MYO18B: variants seen among roughly 807,000 people sequenced by gnomAD.
MYO18B encodes unconventional myosin-XVIIIb.
In MYO18B, 204 loss-of-function variants were observed where a neutral mutation model predicts 273.0. That is an observed-to-expected ratio of 0.75 (90% CI 0.67 to 0.84). MYO18B has a LOEUF of 0.84. MYO18B is among the 40% of genes least tolerant of loss of function. The probability of loss-of-function intolerance (pLI) is 0.00; values close to 1 mark genes in which losing one functional copy is unlikely to be tolerated. For synonymous variants in MYO18B, 1,330 were observed against 1,305.7 expected (o/e 1.02, Z -0.40); for missense variants, 3,212 against 3,287.6 (o/e 0.98, Z 0.56).
intron 39 of MYO18B, among the ~76,000 whole-genome samples, chr22:25,963,355 G>A (rs573187015): frequency 3.4e-4 from 52 of 151,822 alleles, no homozygotes; most frequent in Admixed American, 7.9e-4. Flanking sequence ...AAGATGTTGG[G>A]AGAGACATGC....
chr22:25,942,216 C>CA, intron 34 of MYO18B, among the ~76,000 whole-genome samples: 1 of 152,182 alleles, frequency 6.6e-6, no homozygotes, highest in Non-Finnish European at 1.5e-5. Context: ...AAGCTCTGAA[C>CA]CACACACACA....
intron 42 of MYO18B, among the ~76,000 whole-genome samples, chr22:26,011,261 C>T (rs1934899628): frequency 6.6e-6 from 1 of 152,002 alleles, no homozygotes; most frequent in Non-Finnish European, 1.5e-5. Flanking sequence ...GAATTTCTCT[C>T]TTCTTCACAG....
chr22:26,005,676 T>C (rs1201626334), intron 42 of MYO18B, among the ~76,000 whole-genome samples: 1 of 152,160 alleles, frequency 6.6e-6, no homozygotes, highest in Non-Finnish European at 1.5e-5. Flanking sequence ...ATGCTCACAG[T>C]TTTTGTGAAC....
At chr22:25,931,051 T>G (rs978895173) in intron 34 of MYO18B, among the ~76,000 whole-genome samples, 6 of 152,176 alleles carry the variant, frequency 3.9e-5, no homozygotes, top group Admixed American at 2.6e-4. Context: ...ATGGGAGTCT[T>G]TTGTGTGTGG....
intron 42 of MYO18B, among the ~76,000 whole-genome samples, chr22:26,025,832 G>A (rs948832333): frequency 1.3e-5 from 2 of 152,200 alleles, no homozygotes; most frequent in Non-Finnish European, 2.9e-5. Flanking sequence ...TAAAAACCAC[G>A]TCTGGTGTAG....
intron 37 of MYO18B, among the ~76,000 whole-genome samples, chr22:25,950,664 C>T (rs2092782590): frequency 6.6e-6 from 1 of 152,042 alleles, no homozygotes; most frequent in South Asian, 2.1e-4. Context: ...CTCTGCCTGC[C>T]AGGTTCAAGC....
chr22:25,817,503 T>C (rs1211291944), intron 12 of MYO18B, among the ~76,000 whole-genome samples: 1 of 151,656 alleles, frequency 6.6e-6, no homozygotes, highest in Non-Finnish European at 1.5e-5. Flanking sequence ...ATTTCTCTTT[T>C]GTTTGTTCTC....
At chr22:26,023,117 T>C (rs973290833) in intron 42 of MYO18B, among the ~76,000 whole-genome samples, 1 of 152,202 alleles carries the variant, frequency 6.6e-6, no homozygotes, top group African/African-American at 2.4e-5. Context: ...CCTTCCTTCT[T>C]CTCCATCACC....
At chr22:25,948,468 T>TTC (rs1555960840) in intron 36 of MYO18B, among the ~76,000 whole-genome samples, 3 of 139,114 alleles carry the variant, frequency 2.2e-5, no homozygotes, top group South Asian at 2.4e-4. Context: ...CCTTCTTTCT[T>TTC]TCTTTCTTTC....
At chr22:25,742,740 C>G (rs781384877) in intron 1 of MYO18B, among the ~76,000 whole-genome samples, 1 of 152,142 alleles carries the variant, frequency 6.6e-6, no homozygotes, top group Non-Finnish European at 1.5e-5. Flanking sequence ...GTTAACAACG[C>G]TGTTGAGTCG....
intron 34 of MYO18B, among the ~76,000 whole-genome samples, chr22:25,941,324 C>G (rs2092641798): frequency 6.6e-6 from 1 of 152,168 alleles, no homozygotes; most frequent in South Asian, 2.1e-4. Flanking sequence ...GAAGTGTCAG[C>G]TGTCACCTCA....
chr22:25,978,337 A>G (rs1028278122), intron 39 of MYO18B, among the ~76,000 whole-genome samples: 1 of 152,200 alleles, frequency 6.6e-6, no homozygotes, highest in Non-Finnish European at 1.5e-5. Context: ...GGCAGAGTAG[A>G]GCATTCCAGA....
chr22:26,027,496 T>A lies in MYO18B; in HGVS notation c.7522T>A (p.Ser2508Thr), dbSNP rs1936347169. Reference sequence around the variant, plus strand: ...GGAGGATCCCGCTCACCTGTCTGACTCGTCCTCATCCTCCGGCTCCATCGT... The same window carrying A: ...GGAGGATCCCGCTCACCTGTCTGACACGTCCTCATCCTCCGGCTCCATCGT... ...PKEDPAHLSD[S>T]SSSSGSIVSF... The change falls in exon 43 of 44, where the codon TCG (serine) becomes ACG (threonine). Residue 2508 changes from serine to threonine, a missense_variant. Coordinates refer to ENST00000335473, the MANE Select transcript of MYO18B (RefSeq NM_032608.7). The surrounding 1 kb of genome is among the most constrained non-coding windows in gnomAD (Gnocchi z 4.1). The A allele has an allele frequency of 1.9e-6, 3 of 1,613,866 alleles. No individual in the cohort carries two copies. The highest frequency in any genetic ancestry group is 2.5e-6 in the Non-Finnish European group (3 of 1,179,896).
intron 39 of MYO18B, among the ~76,000 whole-genome samples, chr22:25,971,182 A>C (rs1301685872): frequency 6.6e-6 from 1 of 152,238 alleles, no homozygotes; most frequent in East Asian, 1.9e-4. Flanking sequence ...TGTTCCAATA[A>C]AACTTTATTT....
chr22:25,948,345 C>T (rs898093387), intron 36 of MYO18B, among the ~76,000 whole-genome samples: 6 of 152,124 alleles, frequency 3.9e-5, no homozygotes, highest in South Asian at 2.1e-4. Context: ...ATCCTACCAC[C>T]GCTTACCCAT....
At chr22:25,909,173 G>A (rs959768903) in intron 32 of MYO18B, among the ~76,000 whole-genome samples, 1 of 152,188 alleles carries the variant, frequency 6.6e-6, no homozygotes, top group African/African-American at 2.4e-5. Flanking sequence ...TCTTAGAGCT[G>A]TATTGATGGA....
At chr22:25,809,817 T>G (rs2088655262) in intron 12 of MYO18B, among the ~76,000 whole-genome samples, 8 of 152,118 alleles carry the variant, frequency 5.3e-5, no homozygotes, top group Admixed American at 5.2e-4. Context: ...CAAGCTGTGG[T>G]AAGACCTGAG....
chr22:25,988,224 G>A (rs1051705650), intron 39 of MYO18B, among the ~76,000 whole-genome samples: 5 of 151,994 alleles, frequency 3.3e-5, no homozygotes, highest in Non-Finnish European at 1.5e-5. Flanking sequence ...CAGGGAGACT[G>A]TTTGGGGCAC....
At chr22:25,767,922 T>A (rs2086564529) in intron 3 of MYO18B, among the ~76,000 whole-genome samples, 193 bp from the exon 4 acceptor site, 1 of 152,136 alleles carries the variant, frequency 6.6e-6, no homozygotes. Flanking sequence ...ACTCCATCAC[T>A]CAACTTTGAG....
Sources: allele counts gnomAD v4.1 joint callset (sites outside exome capture counted in the v4.1 genomes callset), GRCh38; gene constraint gnomAD v4.1.1; non-coding constraint Gnocchi (gnomAD v3.1); transcripts MANE v1.5; gene names NCBI Gene and HGNC (gene_info 2026-07-23, HGNC 2026-07-21).